Variants in VPS41 observed in about 807,000 individuals in gnomAD.
VPS41 encodes VPS41 subunit of HOPS complex, also known as vacuolar protein sorting-associated protein 41 homolog.
VPS41 carries 85 observed loss-of-function variants against 130.9 expected under a neutral mutation model. That is an observed-to-expected ratio of 0.65 (90% CI 0.55 to 0.78). VPS41 has a LOEUF of 0.78. VPS41 is among the 30% of genes least tolerant of loss of function. The pLI, the probability that VPS41 is intolerant of heterozygous loss-of-function variation, is 0.00. For synonymous variants in VPS41, 335 were observed against 332.9 expected, an observed-to-expected ratio of 1.01 and a Z score of -0.07; for missense variants, 874 against 1,018.7, an observed-to-expected ratio of 0.86 and a Z score of 1.93.
chr7:38,889,559 CA>C (rs200201294), intron 2 of VPS41, among the ~76,000 whole-genome samples: 26,069 of 119,984 alleles, frequency 0.22, 2,480 homozygotes, highest in Non-Finnish European at 0.25. Flanking sequence ...CAAAACAAAA[CA>C]AAAAAAAAAA....
Position 38,789,655 on chromosome 7 carries a change from G to A in VPS41, c.784+146C>T, listed in dbSNP as rs557841796. On this transcript the variant is annotated intron_variant, in intron 10 of 28. Transcript: ENST00000310301. ...ACAGCAGTGGGGACAGCAGATGACA[G>A]TAATTCACAGTGGAAGAAGATAAAC... is the stretch of plus-strand genomic sequence containing the variant. 6.6e-5 allele frequency: 45 copies of A among 681,188 alleles called. No homozygotes were observed. The African/African-American group carries it at 7.6e-4, about 11-fold the overall frequency. 42.2% of individuals were successfully genotyped at this position (681,188 alleles called of 1,614,324 possible).
intron 5 of VPS41, 33 bp from the exon 6 acceptor site, chr7:38,821,298 T>C: frequency 6.6e-7 from 1 of 1,512,938 alleles, no homozygotes; most frequent in Non-Finnish European, 9.2e-7. Flanking sequence ...CAGCTCACCA[T>C]GACAGCAATA....
intron 25 of VPS41, among the ~76,000 whole-genome samples, chr7:38,731,546 T>C (rs1249915875): frequency 2.0e-5 from 3 of 152,194 alleles, no homozygotes; most frequent in African/African-American, 7.2e-5. Flanking sequence ...TGATTTTGGA[T>C]GACTGCTATG....
intron 2 of VPS41, among the ~76,000 whole-genome samples, chr7:38,893,012 C>T (rs753461940): frequency 2.6e-4 from 40 of 152,278 alleles, no homozygotes; most frequent in Admixed American, 4.6e-4. Context: ...ATGAGAACCA[C>T]GCAAATGGTC....
chr7:38,744,557 C>T (rs1473219025), intron 23 of VPS41, among the ~76,000 whole-genome samples: 1 of 152,132 alleles, frequency 6.6e-6, no homozygotes, highest in Non-Finnish European at 1.5e-5. Flanking sequence ...GACTATATGT[C>T]CCTAATAAGT....
chr7:38,813,109 G>T (rs1254757410), intron 7 of VPS41, among the ~76,000 whole-genome samples: 1 of 151,930 alleles, frequency 6.6e-6, no homozygotes, highest in Non-Finnish European at 1.5e-5. Flanking sequence ...CCAAAAAGTA[G>T]AAACAATCCA....
chr7:38,802,330 C>T (rs548457173), intron 7 of VPS41, among the ~76,000 whole-genome samples: 5 of 152,250 alleles, frequency 3.3e-5, no homozygotes, highest in African/African-American at 1.2e-4. Flanking sequence ...TTGATGTTAC[C>T]TGCCTGGCCC....
At chr7:38,752,369 G>T (rs1338381267) in intron 21 of VPS41, 56 bp from the exon 22 acceptor site, 3 of 1,601,476 alleles carry the variant, frequency 1.9e-6, no homozygotes, top group African/African-American at 1.3e-5. Context: ...GCAATACCTG[G>T]CTAACATTGC....
chr7:38,729,711 G>A (rs1795619390), intron 25 of VPS41, among the ~76,000 whole-genome samples: 1 of 152,126 alleles, frequency 6.6e-6, no homozygotes, highest in Non-Finnish European at 1.5e-5. Flanking sequence ...TGGTACCAAT[G>A]TTGTATTTCA....
intron 3 of VPS41, among the ~76,000 whole-genome samples, chr7:38,863,249 A>G (rs1786159108): frequency 6.6e-6 from 1 of 152,212 alleles, no homozygotes; most frequent in Admixed American, 6.5e-5. Flanking sequence ...TACTCATTTT[A>G]TGTCGTAAGT....
At chr7:38,764,335 T>C (rs1462389665) in intron 16 of VPS41, among the ~76,000 whole-genome samples, 1 of 151,988 alleles carries the variant, frequency 6.6e-6, no homozygotes, top group Non-Finnish European at 1.5e-5. Context: ...CATGCATCTG[T>C]GTGCAGGGAG....
intron 5 of VPS41, among the ~76,000 whole-genome samples, chr7:38,829,861 T>G (rs952414616): frequency 6.6e-6 from 1 of 152,192 alleles, no homozygotes; most frequent in Non-Finnish European, 1.5e-5. Flanking sequence ...TGTGTGAAAA[T>G]GAAAACCACT....
intron 9 of VPS41, among the ~76,000 whole-genome samples, chr7:38,791,840 T>G (rs948627497): frequency 3.3e-5 from 5 of 152,146 alleles, no homozygotes; most frequent in African/African-American, 1.2e-4. Context: ...CTGTTTAGGA[T>G]AGGTTTAGGG....
intron 14 of VPS41, 58 bp from the exon 15 acceptor site, chr7:38,767,656 G>A (rs778677353): frequency 1.4e-5 from 19 of 1,358,078 alleles, no homozygotes; most frequent in Non-Finnish European, 1.9e-5. Flanking sequence ...GAAAAGTTGA[G>A]TCTCGGTTTC....
intron 27 of VPS41, 186 bp downstream of exon 27, chr7:38,728,356 C>T: frequency 2.7e-6 from 2 of 751,122 alleles, no homozygotes; most frequent in African/African-American, 1.7e-5. Flanking sequence ...AGCTTGAGAA[C>T]CTCAGCTCTA....
intron 4 of VPS41, among the ~76,000 whole-genome samples, chr7:38,837,224 G>A (rs768657285): frequency 5.3e-5 from 8 of 152,144 alleles, no homozygotes; most frequent in South Asian, 2.1e-4. Flanking sequence ...ATACCCAATC[G>A]TATTAGCATG....
chr7:38,822,274 C>G (rs1476292745), intron 5 of VPS41, among the ~76,000 whole-genome samples: 1 of 152,184 alleles, frequency 6.6e-6, no homozygotes, highest in East Asian at 1.9e-4. Context: ...ACGAACATAT[C>G]CGTGTAACCA....
At chr7:38,749,177 G>A (rs569109277) in intron 22 of VPS41, among the ~76,000 whole-genome samples, 1 of 152,158 alleles carries the variant, frequency 6.6e-6, no homozygotes, top group African/African-American at 2.4e-5. Flanking sequence ...ACTATAACTA[G>A]GGCTTTTGAT....
At chr7:38,821,663 C>T (rs7811383) in intron 5 of VPS41, among the ~76,000 whole-genome samples, 88,849 of 147,202 alleles carry the variant, frequency 0.6, 27,456 homozygotes, top group East Asian at 0.89. Context: ...GCCGAGATTG[C>T]GCCACTGCAC....
Sources: allele counts gnomAD v4.1 joint callset (sites outside exome capture counted in the v4.1 genomes callset), GRCh38; gene constraint gnomAD v4.1.1; transcripts MANE v1.5; gene names NCBI Gene and HGNC (gene_info 2026-07-23, HGNC 2026-07-21).